UBAC1: variants seen among roughly 807,000 people sequenced by gnomAD.
UBAC1 encodes ubiquitin-associated domain-containing protein 1.
In UBAC1, 27 loss-of-function variants were observed where a neutral mutation model predicts 45.9. That is an observed-to-expected ratio of 0.59 (90% CI 0.43 to 0.81). The LOEUF (loss-of-function observed/expected upper bound fraction) is 0.81. UBAC1 is among the 30% of genes least tolerant of loss of function. The pLI is 0.00. For synonymous variants in UBAC1, 227 were observed against 215.5 expected (o/e 1.05, Z -0.47); for missense variants, 529 against 539.2 (o/e 0.98, Z 0.19).
In UBAC1 at chr9:135,945,159, C is replaced by T; in HGVS notation, c.745G>A (p.Ala249Thr). Residue 249 changes from alanine (A) to threonine (T), a missense_variant, in exon 7 of 10, where the codon GCC becomes ACC. Transcript: ENST00000371756. ...TPLPGQAPPE[A>T]EGATAAASEA... is the part of the protein sequence containing the mutation. ...GAGGCAGCTGCTGTGGCCCCCTCGG[C>T]CTCTGGGGGAGCTTGGCCAGGAAGA... is the stretch of plus-strand genomic sequence containing the variant. The T allele has an allele frequency of 6.2e-7, 1 of 1,613,714 alleles. No homozygotes were observed. Among genetic ancestry groups the T allele is most frequent in the East Asian group, 2.2e-5 (1 of 44,874 alleles).
chr9:135,938,537 G>A (rs1002363925), intron 8 of UBAC1, among the ~76,000 whole-genome samples, 177 bp from the exon 9 acceptor site: 4 of 152,272 alleles, frequency 2.6e-5, no homozygotes, highest in African/African-American at 7.2e-5. Context: ...ATTCACTGCC[G>A]TGCGTGTCAG....
Position 135,961,290 on chromosome 9 carries a change from T to C in UBAC1, c.-128A>G. On this transcript the variant is annotated 5_prime_UTR_variant, in exon 1 of 10. Transcript: ENST00000371756. Reference sequence around the variant, plus strand: ...CGCTGGGCCGCCGCCCCGCCCCGGCTCCCGTCGGCCGGGCCGCCGTCACTC... The same window carrying C: ...CGCTGGGCCGCCGCCCCGCCCCGGCCCCCGTCGGCCGGGCCGCCGTCACTC... 1 of 831,044 alleles carries C rather than the reference T, an allele frequency of 1.2e-6. No individual in the cohort carries two copies. The highest frequency in any genetic ancestry group is 1.8e-5 in the African/African-American group (1 of 54,368). The allele number at this position is 831,044 out of a possible 1,614,324, so 51.5% of individuals were successfully genotyped here.
chr9:135,945,921 C>G lies in UBAC1; in HGVS notation c.621G>C (p.Glu207Asp), dbSNP rs776531601. 1 of 1,614,098 alleles carries G rather than the reference C, an allele frequency of 6.2e-7. No individual in the cohort carries two copies. The highest frequency in any genetic ancestry group is 8.5e-7 in the Non-Finnish European group (1 of 1,180,040). Residue 207 changes from glutamate to aspartate, a missense_variant, in exon 6 of 10, where the codon GAG becomes GAC. By Grantham distance (45) the Glu-to-Asp change is conservative. Coordinates refer to ENST00000371756, the MANE Select transcript of UBAC1 (RefSeq NM_016172.3). ...GCTGAAGGGCCTTGGTGGCTCTGTT[C>G]TCCGGAAAGCCCATCTCCGTGAGCT... Reference protein sequence around the residue: ...LRQLTEMGFPENRATKALQLN... With the variant: ...LRQLTEMGFPDNRATKALQLN...
At chr9:135,954,738 C>T (rs1422558430) in intron 2 of UBAC1, among the ~76,000 whole-genome samples, 6 of 152,236 alleles carry the variant, frequency 3.9e-5, no homozygotes, top group Admixed American at 3.9e-4. Flanking sequence ...AGCTCATCCT[C>T]GGCCCACGAC....
Position 135,938,096 on chromosome 9 carries a change from T to G in UBAC1, c.1102+126A>C, listed in dbSNP as rs1839220572. 11 of 1,424,550 alleles carry G rather than the reference T, an allele frequency of 7.7e-6. No individual in the cohort carries two copies. In the Admixed American group the frequency reaches 1.5e-4, roughly 19 times the overall value. 88.2% of individuals were successfully genotyped at this position (1,424,550 alleles called of 1,614,324 possible). On this transcript the variant is annotated intron_variant, in intron 9 of 9. Transcript: ENST00000371756. ...GGATGCCAACCTGCATGGCAGGACG[T>G]GCTGCCAGCGCACGGCGATCCTCAG...
chr9:135,951,675 T>C lies in UBAC1; in HGVS notation c.333+2005A>G, dbSNP rs1839406909. On this transcript the variant is annotated intron_variant, in intron 3 of 9. Transcript: ENST00000371756. ...AATACAAAAGATTAGCCGGGCGTGG[T>C]GGCACGCACTTGTAACCCCAGCTAC... Among the ~76,000 whole-genome samples the C allele has an allele frequency of 2.0e-5, 3 of 152,008 alleles. No individual in the cohort carries two copies. In the South Asian group the frequency reaches 6.2e-4, roughly 32 times the overall value.
At chr9:135,937,602 G>C (rs1027685398) in intron 9 of UBAC1, among the ~76,000 whole-genome samples, 1 of 152,088 alleles carries the variant, frequency 6.6e-6, no homozygotes, top group African/African-American at 2.4e-5. Context: ...TTACACAAAG[G>C]CAGCAGCAAA....
chr9:135,947,571 C>G, intron 4 of UBAC1: 1 of 468,546 alleles, frequency 2.1e-6, no homozygotes. Flanking sequence ...CCAGGGGTAT[C>G]TATCTTTTCA....
Position 135,945,176 on chromosome 9 carries a change from C to G in UBAC1, c.728G>C (p.Gly243Ala), listed in dbSNP as rs201427853. The G allele has an allele frequency of 9.3e-6, 15 of 1,613,012 alleles. No homozygotes were observed. The highest frequency in any genetic ancestry group is 1.2e-5 in the Non-Finnish European group (14 of 1,179,672). ...CCCCTCGGCCTCTGGGGGAGCTTGG[C>G]CAGGAAGAGGCGTGTCTATGGTCGG... ...EDPTIDTPLP[G>A]QAPPEAEGAT... The change falls in exon 7 of 10, where the codon GGC becomes GCC. Residue 243 changes from glycine to alanine, a missense_variant. Coordinates refer to ENST00000371756, the MANE Select transcript of UBAC1 (RefSeq NM_016172.3).
chr9:135,933,034 A>G lies in UBAC1; in HGVS notation c.*366T>C. 1.1e-5 allele frequency: 2 copies of G among 181,348 alleles called. No individual in the cohort carries two copies. The highest frequency in any genetic ancestry group is 2.9e-4 in the East Asian group (2 of 6,796). 11.2% of individuals were successfully genotyped at this position (181,348 alleles called of 1,614,324 possible). A position where few individuals can be genotyped will look rare whatever the true frequency, so the allele number is the denominator to read the frequency against. ...GACTAGTTAAATTAGCATGCTTGACATTAACTCTGGGTTGAAACCTACCTC... is the reference window on the plus strand; with the variant it reads ...GACTAGTTAAATTAGCATGCTTGACGTTAACTCTGGGTTGAAACCTACCTC... On this transcript the variant is annotated 3_prime_UTR_variant, in exon 10 of 10. Transcript: ENST00000371756.
At chr9:135,952,180 A>T (rs1294598583) in intron 3 of UBAC1, among the ~76,000 whole-genome samples, 1 of 152,222 alleles carries the variant, frequency 6.6e-6, no homozygotes, top group Non-Finnish European at 1.5e-5. Flanking sequence ...GGTGTGGCTG[A>T]AGATAAGGAG....
intron 1 of UBAC1, 101 bp downstream of exon 1, chr9:135,960,924 C>A (rs963939800): frequency 1.2e-5 from 13 of 1,106,232 alleles, no homozygotes; most frequent in Non-Finnish European, 1.6e-5. Context: ...GCGGACTGGG[C>A]GGCGGACCCC....
rs745601029 is a variant in UBAC1 at position 135,961,049 on chromosome 9, C to G, written c.114G>C (p.Lys38Asn). 6.3e-7 allele frequency: 1 copy of G among 1,575,930 alleles called. No individual in the cohort carries two copies. Among genetic ancestry groups the G allele is most frequent in the East Asian group, 2.5e-5 (1 of 40,660 alleles). Residue 38 changes from lysine (K) to asparagine (N), a missense_variant, in exon 1 of 10, where the codon AAG becomes AAC. Physicochemically the swap from Lys to Asn is moderately conservative, Grantham distance 94. Coordinates refer to ENST00000371756, the MANE Select transcript of UBAC1 (RefSeq NM_016172.3). ...CGTGCTTGAGGCAGCGCTCCTTGAG[C>G]TTCTCCACCGAGGTGTCCTCGGTGG... is the stretch of plus-strand genomic sequence containing the variant. ...EEATEDTSVE[K>N]LKERCLKHCA... is the part of the protein sequence containing the mutation.
chr9:135,937,062 G>T (rs540875988), intron 9 of UBAC1, among the ~76,000 whole-genome samples: 1 of 152,180 alleles, frequency 6.6e-6, no homozygotes, highest in African/African-American at 2.4e-5. Context: ...ATACGCTTCT[G>T]AAAGAAGGCC....
At chr9:135,940,819 C>T (rs1288622291) in intron 7 of UBAC1, among the ~76,000 whole-genome samples, 4 of 152,084 alleles carry the variant, frequency 2.6e-5, no homozygotes, top group African/African-American at 9.7e-5. Context: ...ATTTCAAGGG[C>T]CTCTCCTAAT....
intron 5 of UBAC1, 88 bp from the exon 6 acceptor site, chr9:135,946,085 T>C: frequency 7.5e-7 from 1 of 1,334,376 alleles, no homozygotes; most frequent in Non-Finnish European, 1.1e-6. Context: ...ATTATCTGTC[T>C]GAGCTCCACC....
At chr9:135,940,979 C>A (rs1179657837) in intron 7 of UBAC1, among the ~76,000 whole-genome samples, 1 of 152,188 alleles carries the variant, frequency 6.6e-6, no homozygotes, top group Non-Finnish European at 1.5e-5. Context: ...CTGCACCCCG[C>A]GGACGGTGCA....
intron 9 of UBAC1, among the ~76,000 whole-genome samples, chr9:135,934,592 G>A (rs750102428): frequency 5.3e-5 from 8 of 152,174 alleles, no homozygotes; most frequent in African/African-American, 9.7e-5. Flanking sequence ...CCAGGGAGGC[G>A]GAGCTGGCAG....
intron 2 of UBAC1, among the ~76,000 whole-genome samples, chr9:135,954,330 A>G (rs1003278395): frequency 2.0e-5 from 3 of 152,006 alleles, no homozygotes; most frequent in Admixed American, 1.3e-4. Flanking sequence ...CCGTAGTCCC[A>G]GCTACTTGGG....
Sources: allele counts gnomAD v4.1 joint callset (sites outside exome capture counted in the v4.1 genomes callset), GRCh38; gene constraint gnomAD v4.1.1; transcripts MANE v1.5; gene names NCBI Gene and HGNC (gene_info 2026-07-23, HGNC 2026-07-21).